Variants in TG observed in about 807,000 individuals in gnomAD.
The protein encoded by TG is thyroglobulin, also known as thyroid hormones.
A neutral mutation model predicts 324.7 loss-of-function variants in TG; 270 were observed. The ratio of observed to expected loss-of-function variants is 0.83; its 90% CI spans 0.75 to 0.92. The LOEUF is 0.92. Among genes scored for constraint, TG ranks in the 40% least tolerant of loss-of-function variants. The pLI, the probability that TG is intolerant of heterozygous loss-of-function variation, is 0.00. For synonymous variants in TG, 1,401 were observed against 1,327.0 expected, an observed-to-expected ratio of 1.06 and a Z score of -1.21; for missense variants, 3,591 against 3,456.4, an observed-to-expected ratio of 1.04 and a Z score of -0.98.
At position 132,881,899 on chromosome 8, in the gene TG, G is replaced by A; in HGVS notation, c.675G>A (p.Gln225=). 1 of 1,614,202 alleles carries A rather than the reference G, an allele frequency of 6.2e-7. No individual in the cohort carries two copies. Among genetic ancestry groups the A allele is most frequent in the Non-Finnish European group, 8.5e-7 (1 of 1,180,010 alleles). ...PDAFVTFSSF[Q]RRFPEVSGYC... is the part of the protein sequence containing the mutation. ...CATTTGTGACCTTCAGTTCCTTCCA[G>A]AGGAGGTTCCCTGAGGTATCTGGGT... The change falls in exon 6 of 48, where the codon CAG becomes CAA. Residue 225 remains glutamine (Q), a synonymous_variant. Coordinates refer to ENST00000220616, the MANE Select transcript of TG (RefSeq NM_003235.5).
intron 22 of TG, among the ~76,000 whole-genome samples, chr8:132,924,283 C>A (rs1821513873): frequency 6.6e-6 from 1 of 152,130 alleles, no homozygotes; most frequent in Non-Finnish European, 1.5e-5. Context: ...GGAGCTCAGG[C>A]AGTAATGCTC....
intron 39 of TG, among the ~76,000 whole-genome samples, chr8:133,020,862 C>T (rs1397495287): frequency 6.6e-6 from 1 of 152,154 alleles, no homozygotes; most frequent in Non-Finnish European, 1.5e-5. Context: ...GGGGGCAGGT[C>T]CTCAGGCAGT....
intron 33 of TG, chr8:132,972,273 C>T: frequency 4.2e-6 from 2 of 471,694 alleles, no homozygotes; most frequent in Non-Finnish European, 3.9e-6. Flanking sequence ...GTTTCCTCCT[C>T]ATCTGTATAT....
chr8:133,028,262 GAAAC>G (rs1419230376), intron 40 of TG, among the ~76,000 whole-genome samples: 1 of 152,196 alleles, frequency 6.6e-6, no homozygotes, highest in African/African-American at 2.4e-5. Flanking sequence ...GACCTTGGAG[GAAAC>G]AAACACATTC....
At chr8:132,881,786 C>A in intron 5 of TG, 77 bp from the exon 6 acceptor site, 2 of 1,011,080 alleles carry the variant, frequency 2.0e-6, no homozygotes, top group Non-Finnish European at 3.2e-6. Flanking sequence ...GTGGACTTGG[C>A]CACATTTATT....
intron 41 of TG, among the ~76,000 whole-genome samples, chr8:133,039,547 A>G (rs1837757206): frequency 6.6e-6 from 1 of 152,212 alleles, no homozygotes; most frequent in African/African-American, 2.4e-5. Context: ...AATAAACAGA[A>G]CAAATCCATG....
At chr8:133,061,270 A>G (rs1842333289) in intron 41 of TG, among the ~76,000 whole-genome samples, 1 of 152,146 alleles carries the variant, frequency 6.6e-6, no homozygotes, top group Non-Finnish European at 1.5e-5. Flanking sequence ...TGGCCTCCCA[A>G]TGTGGTGGGA....
chr8:132,967,532 T>A (rs1181307211), intron 30 of TG, among the ~76,000 whole-genome samples: 1 of 152,136 alleles, frequency 6.6e-6, no homozygotes, highest in Non-Finnish European at 1.5e-5. Flanking sequence ...CTCTTTTGCC[T>A]CTTGTATTGC....
At chr8:132,954,015 G>T (rs946932330) in intron 27 of TG, among the ~76,000 whole-genome samples, 14 of 151,830 alleles carry the variant, frequency 9.2e-5, no homozygotes, top group East Asian at 5.8e-4. Context: ...AAAAAGCCTT[G>T]GCAGAAATAC....
rs974638268 is a variant in TG, at chr8:133,011,583, T to A, written c.6263-318T>A. Among the ~76,000 whole-genome samples the A allele has an allele frequency of 5.9e-5, 9 of 152,344 alleles. No individual in the cohort carries two copies. In the South Asian group the frequency reaches 8.3e-4, roughly 14 times the overall value. Reference sequence around the variant, plus strand: ...TAACTGTTGCTTTGTAACAATTATATCATGATGTTTTTCTTTCTTCTCAAC... The same window carrying A: ...TAACTGTTGCTTTGTAACAATTATAACATGATGTTTTTCTTTCTTCTCAAC... On this transcript the variant is annotated intron_variant, in intron 35 of 47. Coordinates refer to ENST00000220616, the MANE Select transcript of TG (RefSeq NM_003235.5).
intron 41 of TG, chr8:133,049,464 G>C (rs571652511): frequency 7.0e-6 from 2 of 286,992 alleles, no homozygotes; most frequent in South Asian, 6.9e-5. Context: ...TATTATCCCT[G>C]TCGTTCTATG....
intron 41 of TG, among the ~76,000 whole-genome samples, chr8:133,042,547 G>C (rs2131107762): frequency 6.6e-6 from 1 of 151,834 alleles, no homozygotes; most frequent in South Asian, 2.1e-4. Flanking sequence ...TAATCCCCAT[G>C]TTGTAAGTAA....
In TG at chr8:132,898,615, C is replaced by T. The variant is rs1817471040; in HGVS notation, c.3218-183C>T. 2.0e-5 allele frequency among the ~76,000 whole-genome samples: 3 copies of T among 152,216 alleles called. No homozygotes were observed. In the South Asian group the frequency reaches 6.2e-4, roughly 32 times the overall value. The stretch of plus-strand genomic sequence containing the variant: ...GGCTCAGCCATGTGTAATCCACAGT[C>T]CACTTGACATCTCAAAGCTGGCATG... On this transcript the variant is annotated intron_variant, in intron 13 of 47. Transcript: ENST00000220616.
At chr8:133,040,097 G>A (rs373480832) in intron 41 of TG, 91 of 1,570,946 alleles carry the variant, frequency 5.8e-5, no homozygotes, top group Admixed American at 1.3e-4. Context: ...CAGGCAGGGC[G>A]TGGTGAGCAC....
In TG at chr8:133,050,001, G is replaced by C. The variant is rs1444486183; in HGVS notation, c.7239+19978G>C. ...CCAGCCCCCTTCACTGTAAGAACAA[G>C]AACAGAGAAGAACACAGAGATAGGT... On this transcript the variant is annotated intron_variant, in intron 41 of 47. Coordinates refer to ENST00000220616, the MANE Select transcript of TG (RefSeq NM_003235.5). 5 of 1,544,806 alleles carry C rather than the reference G, an allele frequency of 3.2e-6. No homozygotes were observed. The Admixed American group carries it at 6.7e-5, about 21-fold the overall frequency.
chr8:133,078,167 T>C (rs932374522), intron 41 of TG, among the ~76,000 whole-genome samples: 3 of 152,160 alleles, frequency 2.0e-5, no homozygotes, highest in African/African-American at 7.2e-5. Context: ...CTCTCCACCA[T>C]CATACACGTG....
At position 132,923,332 on chromosome 8, in the gene TG, T is replaced by C. The variant is rs1821371101; in HGVS notation, c.4529-6T>C. 4 of 1,613,726 alleles carry C rather than the reference T, an allele frequency of 2.5e-6. No homozygotes were observed. The highest frequency in any genetic ancestry group is 1.3e-5 in the African/African-American group (1 of 74,786). The stretch of plus-strand genomic sequence containing the variant: ...ATTGACGGCTATGTCAATCTATTGG[T>C]TCTAGGTGTCACTGACTGTCAGAGG... On this transcript the variant is annotated splice_polypyrimidine_tract_variant and splice_region_variant and intron_variant, in intron 21 of 47. Transcript: ENST00000220616.
At chr8:132,951,285 T>A (rs1587542205) in intron 27 of TG, among the ~76,000 whole-genome samples, 1 of 152,346 alleles carries the variant, frequency 6.6e-6, no homozygotes, top group Admixed American at 6.5e-5. Flanking sequence ...GAGTGAATGG[T>A]CACCAAATTC....
chr8:132,896,605 G>C (rs922744584), intron 11 of TG, among the ~76,000 whole-genome samples: 2 of 152,162 alleles, frequency 1.3e-5, no homozygotes, highest in Non-Finnish European at 2.9e-5. Flanking sequence ...GGAGGGTGGT[G>C]GTTGTGGCAA....
Sources: allele counts gnomAD v4.1 joint callset (sites outside exome capture counted in the v4.1 genomes callset), GRCh38; gene constraint gnomAD v4.1.1; transcripts MANE v1.5; gene names NCBI Gene and HGNC (gene_info 2026-07-23, HGNC 2026-07-21).